Variants in ITGB3BP observed in about 807,000 individuals in gnomAD.
The protein encoded by ITGB3BP is integrin subunit beta 3 binding protein, also known as centromere protein R.
Under a neutral mutation model 29.1 loss-of-function variants are expected in ITGB3BP, and 27 were observed. The ratio of observed to expected loss-of-function variants is 0.93; its 90% confidence interval spans 0.68 to 1.28. ITGB3BP has a LOEUF of 1.28. Among genes scored for constraint, ITGB3BP ranks in the 50% most tolerant of loss-of-function variants. ITGB3BP has a pLI of 0.00. For missense variants in ITGB3BP, 192 were observed against 200.2 expected (o/e 0.96, Z 0.25); for synonymous variants, 61 against 61.4 (o/e 0.99, Z 0.03).
chr1:63,518,631 A>G (rs1173633849), intron 1 of ITGB3BP, among the ~76,000 whole-genome samples: 1 of 150,124 alleles, frequency 6.7e-6, no homozygotes. Context: ...TATAGACAGT[A>G]AAGAGTTAGG....
chr1:63,523,164 G>A lies in ITGB3BP; in HGVS notation c.-31C>T, dbSNP rs1166178812. On this transcript the variant is annotated 5_prime_UTR_variant, in exon 1 of 9. Coordinates refer to ENST00000271002, the MANE Select transcript of ITGB3BP (RefSeq NM_014288.5). The stretch of plus-strand genomic sequence containing the variant: ...GATTCGGGAAAGCACCACTGCCGCT[G>A]AATAAAACGAACCCAGCAACTTCCG... 1.2e-6 allele frequency: 2 copies of A among 1,613,842 alleles called. No homozygotes were observed. The highest frequency in any genetic ancestry group is 1.7e-6 in the Non-Finnish European group (2 of 1,179,978).
intron 1 of ITGB3BP, among the ~76,000 whole-genome samples, chr1:63,512,999 T>C (rs1370534928): frequency 6.6e-6 from 1 of 152,178 alleles, no homozygotes; most frequent in Admixed American, 6.5e-5. Flanking sequence ...CTATCTGATA[T>C]TTCCCCATGA....
At chr1:63,482,051 T>C (rs946114319) in intron 3 of ITGB3BP, among the ~76,000 whole-genome samples, 5 of 151,906 alleles carry the variant, frequency 3.3e-5, no homozygotes, top group South Asian at 2.1e-4. Flanking sequence ...GGCAGGTGGA[T>C]TGCCTGAGCT....
chr1:63,443,436 G>A (rs1034148265), intron 8 of ITGB3BP, among the ~76,000 whole-genome samples: 1 of 152,156 alleles, frequency 6.6e-6, no homozygotes, highest in African/African-American at 2.4e-5. Flanking sequence ...CATGAGAAAG[G>A]CACTTTCTGG....
At chr1:63,471,459 G>A (rs1015586118) in intron 4 of ITGB3BP, among the ~76,000 whole-genome samples, 1 of 151,926 alleles carries the variant, frequency 6.6e-6, no homozygotes, top group African/African-American at 2.4e-5. Context: ...CATTGTGTTA[G>A]CCAGGATGGT....
chr1:63,473,556 T>G (rs1570188437), intron 4 of ITGB3BP, among the ~76,000 whole-genome samples: 1 of 96,458 alleles, frequency 1.0e-5, no homozygotes, highest in Non-Finnish European at 2.1e-5. Context: ...AGCTGCCCCA[T>G]CTGGGAGGGG....
intron 2 of ITGB3BP, among the ~76,000 whole-genome samples, chr1:63,496,697 T>C (rs537390354): frequency 1.3e-5 from 2 of 152,322 alleles, no homozygotes; most frequent in South Asian, 2.1e-4. Context: ...ATCTCATTTA[T>C]GTCAATAAGG....
At chr1:63,458,623 CATG>C (rs974369118) in intron 4 of ITGB3BP, among the ~76,000 whole-genome samples, 77 of 152,228 alleles carry the variant, frequency 5.1e-4, no homozygotes, top group African/African-American at 1.7e-3. Context: ...CTGTAAAAGC[CATG>C]ATAATGGCCT....
Position 63,490,138 on chromosome 1 carries a change from T to C in ITGB3BP, c.129A>G (p.Leu43=), listed in dbSNP as rs201013712. 5.1e-5 allele frequency: 82 copies of C among 1,609,584 alleles called. 1 individual carries two copies. Among genetic ancestry groups the C allele is most frequent in the Middle Eastern group, 3.3e-4 (2 of 6,044 alleles). The change falls in exon 3 of 9, where the codon CTA becomes CTG. Residue 43 remains leucine (L), a synonymous_variant. Transcript: ENST00000271002. ...SPTTGTCQMS[L]FASPTSSEEQ... Reference sequence around the variant, plus strand: ...CTTCAGAACTTGTGGGAGAAGCAAATAGACTCATTTGACAAGTTCCAGTTG... The same window carrying C: ...CTTCAGAACTTGTGGGAGAAGCAAACAGACTCATTTGACAAGTTCCAGTTG...
intron 3 of ITGB3BP, among the ~76,000 whole-genome samples, chr1:63,486,284 TTC>T (rs1363639815): frequency 6.6e-6 from 1 of 151,976 alleles, no homozygotes; most frequent in Non-Finnish European, 1.5e-5. Context: ...GGGAAAAATT[TTC>T]TCTTTCTTCT....
upstream of ITGB3BP, chr1:63,523,239 T>C: frequency 6.8e-7 from 1 of 1,464,404 alleles, no homozygotes; most frequent in Non-Finnish European, 9.5e-7. Context: ...AAGCGCGCGC[T>C]GGACGTTGCG....
intron 2 of ITGB3BP, among the ~76,000 whole-genome samples, chr1:63,499,011 CACATA>C: frequency 6.6e-6 from 1 of 152,216 alleles, no homozygotes; most frequent in East Asian, 1.9e-4. Context: ...TTTCCAGAAA[CACATA>C]ACATACCAGG....
At chr1:63,518,235 T>C (rs1190505447) in intron 1 of ITGB3BP, among the ~76,000 whole-genome samples, 1 of 152,250 alleles carries the variant, frequency 6.6e-6, no homozygotes, top group African/African-American at 2.4e-5. Context: ...ATGTTCTCTG[T>C]ACAATTAACC....
intron 4 of ITGB3BP, 70 bp downstream of exon 4, chr1:63,478,694 G>C: frequency 1.4e-6 from 1 of 726,660 alleles, no homozygotes. Flanking sequence ...GCTTTTAAAC[G>C]GTCACTTTAA....
intron 2 of ITGB3BP, among the ~76,000 whole-genome samples, chr1:63,505,222 T>G (rs1646045873): frequency 6.6e-6 from 1 of 152,238 alleles, no homozygotes; most frequent in Non-Finnish European, 1.5e-5. Flanking sequence ...GTTCAAATTC[T>G]TCCTGGTTTA....
intron 2 of ITGB3BP, among the ~76,000 whole-genome samples, chr1:63,497,158 A>G (rs1307576816): frequency 1.3e-5 from 2 of 152,164 alleles, no homozygotes; most frequent in Non-Finnish European, 2.9e-5. Flanking sequence ...TAATTTTTCT[A>G]GCCAGGTGTG....
chr1:63,497,822 A>T (rs1645827691), intron 2 of ITGB3BP, among the ~76,000 whole-genome samples: 1 of 151,994 alleles, frequency 6.6e-6, no homozygotes, highest in South Asian at 2.1e-4. Context: ...GCTCCCTTGG[A>T]CTCTGATGAC....
chr1:63,449,257 G>C (rs1342476499), intron 7 of ITGB3BP: 2 of 152,348 alleles, frequency 1.3e-5, no homozygotes, highest in African/African-American at 4.8e-5. Context: ...CAATTTTGTT[G>C]TCATCAGCAC....
At chr1:63,448,269 T>C (rs1263531962) in intron 7 of ITGB3BP, among the ~76,000 whole-genome samples, 2 of 150,012 alleles carry the variant, frequency 1.3e-5, no homozygotes, top group East Asian at 2.0e-4. Flanking sequence ...GCATGGCACA[T>C]GTATACATAT....
Sources: allele counts gnomAD v4.1 joint callset (sites outside exome capture counted in the v4.1 genomes callset), GRCh38; gene constraint gnomAD v4.1.1; transcripts MANE v1.5; gene names NCBI Gene and HGNC (gene_info 2026-07-23, HGNC 2026-07-21).